Variants in STAT1 observed in about 807,000 individuals in gnomAD.
The protein encoded by STAT1 is signal transducer and activator of transcription 1-alpha/beta.
A neutral mutation model predicts 111.7 loss-of-function variants in STAT1; 24 were observed. That is an observed-to-expected ratio of 0.21 (90% CI 0.16 to 0.30). STAT1 has a LOEUF of 0.30. Ranked by LOEUF, STAT1 falls within the 10% of genes least tolerant of loss-of-function variation. The pLI, the probability that STAT1 is intolerant of heterozygous loss-of-function variation, is 1.00. For synonymous variants in STAT1, 332 were observed against 326.5 expected (o/e 1.02, Z -0.18); for missense variants, 351 against 911.9 (o/e 0.38, Z 7.92).
chr2:190,980,875 G>A lies in STAT1; in HGVS notation c.1583-206C>T, dbSNP rs1293918081. 2.6e-5 allele frequency among the ~76,000 whole-genome samples: 4 copies of A among 152,170 alleles called. No homozygotes were observed. The highest frequency in any genetic ancestry group is 4.8e-5 in the African/African-American group (2 of 41,430). On this transcript the variant is annotated intron_variant, in intron 18 of 24. Coordinates refer to ENST00000361099, the MANE Select transcript of STAT1 (RefSeq NM_007315.4). The surrounding 1 kb of genome is among the most constrained non-coding windows in gnomAD (Gnocchi z 6.1). Reference sequence around the variant, plus strand: ...GCTGTAAGAGGGCGGAATTTAAATGGTCTAAAATATGTATATGTTGGTTTG... The same window carrying A: ...GCTGTAAGAGGGCGGAATTTAAATGATCTAAAATATGTATATGTTGGTTTG...
chr2:190,979,639 G>A lies in STAT1; in HGVS notation c.1727+133C>T. On this transcript the variant is annotated intron_variant, in intron 20 of 24. Transcript: ENST00000361099. This position sits in a 1 kb window ranked among gnomAD's most constrained non-coding sequence, Gnocchi z 5.8. ...GGTTCTACTCTTCTGAAGCCCTGAA[G>A]GGGCAGCCTATAAATGCGCACTCCT... 2.8e-6 allele frequency: 2 copies of A among 722,416 alleles called. No homozygotes were observed. Among genetic ancestry groups the A allele is most frequent in the South Asian group, 1.5e-5 (1 of 67,162 alleles). 44.8% of individuals were successfully genotyped at this position (722,416 alleles called of 1,614,324 possible). A position where few individuals can be genotyped will look rare whatever the true frequency, so the allele number is the denominator to read the frequency against.
Position 191,007,529 on chromosome 2 carries a change from A to T in STAT1, c.372+34T>A, listed in dbSNP as rs1410192570. On this transcript the variant is annotated intron_variant, in intron 5 of 24. Coordinates refer to ENST00000361099, the MANE Select transcript of STAT1 (RefSeq NM_007315.4). The surrounding 1 kb of genome is among the most constrained non-coding windows in gnomAD (Gnocchi z 4.2). ...TGATGAATGAATACATTTTTATTTT[A>T]TTACAGTTTATGTGTTCAATGAGAA... is the stretch of plus-strand genomic sequence containing the variant. 3 of 1,460,690 alleles carry T rather than the reference A, an allele frequency of 2.1e-6. No individual in the cohort carries two copies. Among genetic ancestry groups the T allele is most frequent in the Non-Finnish European group, 2.9e-6 (3 of 1,041,738 alleles). The allele number at this position is 1,460,690 out of a possible 1,614,324, so 90.5% of individuals were successfully genotyped here. A position where few individuals can be genotyped will look rare whatever the true frequency, so the allele number is the denominator to read the frequency against.
In STAT1 at chr2:190,999,266, G is replaced by C. The variant is rs1330749668; in HGVS notation, c.541+360C>G. On this transcript the variant is annotated intron_variant, in intron 7 of 24. Transcript: ENST00000361099. This position sits in a 1 kb window ranked among gnomAD's most constrained non-coding sequence, Gnocchi z 4.1. ...CAGTGGGCTAGGCGCAATAAATATG[G>C]TGAGTAACACATAACCAGTGGTTAT... Among the ~76,000 whole-genome samples, 1 of 152,102 alleles carries C rather than the reference G, an allele frequency of 6.6e-6. No homozygotes were observed. Among genetic ancestry groups the C allele is most frequent in the African/African-American group, 2.4e-5 (1 of 41,414 alleles).
chr2:190,974,093 T>C lies in STAT1; in HGVS notation c.2238+737A>G, dbSNP rs1005878785. The stretch of plus-strand genomic sequence containing the variant: ...TTAAAAATGAGCTGGAATAGCTCCA[T>C]GTGGAAAAGAGCTTAAAATTAAACA... On this transcript the variant is annotated intron_variant, in intron 24 of 24. Transcript: ENST00000361099. This position sits in a 1 kb window ranked among gnomAD's most constrained non-coding sequence, Gnocchi z 4.8. 2.0e-5 allele frequency among the ~76,000 whole-genome samples: 3 copies of C among 152,202 alleles called. No individual in the cohort carries two copies. Among genetic ancestry groups the C allele is most frequent in the Admixed American group, 2.0e-4 (3 of 15,288 alleles).
In STAT1 at chr2:190,993,861, T is replaced by C. The variant is rs1002702412; in HGVS notation, c.944+1200A>G. Among the ~76,000 whole-genome samples, 2 of 151,868 alleles carry C rather than the reference T, an allele frequency of 1.3e-5. No individual in the cohort carries two copies. Among genetic ancestry groups the C allele is most frequent in the African/African-American group, 4.8e-5 (2 of 41,306 alleles). ...GACATTTATCTATCTACTAAGTGTG[T>C]CTAGAGAGCCTACTGTTCACAAGGC... On this transcript the variant is annotated intron_variant, in intron 10 of 24. Coordinates refer to ENST00000361099, the MANE Select transcript of STAT1 (RefSeq NM_007315.4). This position sits in a 1 kb window ranked among gnomAD's most constrained non-coding sequence, Gnocchi z 4.1.
rs949302762 is a variant in STAT1 at position 191,003,470 on chromosome 2, G to A, written c.373-2307C>T. On this transcript the variant is annotated intron_variant, in intron 5 of 24. Coordinates refer to ENST00000361099, the MANE Select transcript of STAT1 (RefSeq NM_007315.4). The surrounding 1 kb of genome is among the most constrained non-coding windows in gnomAD (Gnocchi z 4.0). ...AGGTGGGGCCTGGTGGAAGGTGACT[G>A]GATCACGGGGACAGTTTCTCATGAA... Among the ~76,000 whole-genome samples the A allele has an allele frequency of 2.6e-5, 4 of 152,198 alleles. No individual in the cohort carries two copies. Among genetic ancestry groups the A allele is most frequent in the African/African-American group, 7.2e-5 (3 of 41,426 alleles).
At chr2:190,992,675 G>T in intron 10 of STAT1, 1 of 1,281,344 alleles carries the variant, frequency 7.8e-7, no homozygotes. Context: ...TGACCAGAGT[G>T]CTCTGAATTT....
At chr2:190,988,380 TTTTG>T (rs1171772857) in intron 12 of STAT1, among the ~76,000 whole-genome samples, 1 of 152,024 alleles carries the variant, frequency 6.6e-6, no homozygotes, top group African/African-American at 2.4e-5. Context: ...GCCACTAAGT[TTTTG>T]TTTGTTTGTT....
chr2:190,970,541 T>G lies in STAT1; in HGVS notation c.*162A>C. ...TGCCCTTCAGAGTAACTGATGTTTCTGAGTTAGAGAAAAATTCACTTGCTA... is the reference window on the plus strand; with the variant it reads ...TGCCCTTCAGAGTAACTGATGTTTCGGAGTTAGAGAAAAATTCACTTGCTA... On this transcript the variant is annotated 3_prime_UTR_variant, in exon 25 of 25. Transcript: ENST00000361099. The surrounding 1 kb of genome is among the most constrained non-coding windows in gnomAD (Gnocchi z 5.4). 1 of 759,306 alleles carries G rather than the reference T, an allele frequency of 1.3e-6. No individual in the cohort carries two copies. Among genetic ancestry groups the G allele is most frequent in the Non-Finnish European group, 2.3e-6 (1 of 433,794 alleles). The allele number at this position is 759,306 out of a possible 1,614,324, so 47.0% of individuals were successfully genotyped here. A position where few individuals can be genotyped will look rare whatever the true frequency, so the allele number is the denominator to read the frequency against.
In STAT1 at chr2:191,009,064, G is replaced by A. The variant is rs751586208; in HGVS notation, c.172C>T (p.His58Tyr). The change falls in exon 4 of 25, where the codon CAT (histidine) becomes TAT (tyrosine). Residue 58 changes from histidine to tyrosine, a missense_variant. By Grantham distance (83) the His-to-Tyr change is moderately conservative. Transcript: ENST00000361099. ...NDVSFATIRFHDLLSQLDDQY... is the reference protein window; with the variant it reads ...NDVSFATIRFYDLLSQLDDQY... ...TCATCCAGCTGTGACAGGAGGTCAT[G>A]AAAACGGATGGTGGCAAATGAAACA... 9 of 1,614,006 alleles carry A rather than the reference G, an allele frequency of 5.6e-6. No individual in the cohort carries two copies. The African/African-American group carries it at 1.2e-4, about 22-fold the overall frequency.
In STAT1 at chr2:190,989,495, C is replaced by T; in HGVS notation, c.1097+120G>A. The T allele has an allele frequency of 1.4e-6, 1 of 691,034 alleles. No individual in the cohort carries two copies. Among genetic ancestry groups the T allele is most frequent in the Non-Finnish European group, 2.4e-6 (1 of 413,554 alleles). The allele number at this position is 691,034 out of a possible 1,614,324, so 42.8% of individuals were successfully genotyped here. A position where few individuals can be genotyped will look rare whatever the true frequency, so the allele number is the denominator to read the frequency against. ...GGGGCCCTAGGGAGGCAAACTTCCA[C>T]CCAGTATAGACCCTTCCACAGCTAG... On this transcript the variant is annotated intron_variant, in intron 12 of 24. Transcript: ENST00000361099. The surrounding 1 kb of genome is among the most constrained non-coding windows in gnomAD (Gnocchi z 5.0).
In STAT1 at chr2:190,989,516, G is replaced by A. The variant is rs529603565; in HGVS notation, c.1097+99C>T. ...TCCACCCAGTATAGACCCTTCCACAGCTAGAAATCTGCTTATTTAGTGGAG... is the reference window on the plus strand; with the variant it reads ...TCCACCCAGTATAGACCCTTCCACAACTAGAAATCTGCTTATTTAGTGGAG... On this transcript the variant is annotated intron_variant, in intron 12 of 24. Coordinates refer to ENST00000361099, the MANE Select transcript of STAT1 (RefSeq NM_007315.4). This position sits in a 1 kb window ranked among gnomAD's most constrained non-coding sequence, Gnocchi z 5.0. The A allele has an allele frequency of 5.4e-5, 46 of 859,166 alleles. No individual in the cohort carries two copies. The African/African-American group carries it at 7.5e-4, about 14-fold the overall frequency. The allele number at this position is 859,166 out of a possible 1,614,324, so 53.2% of individuals were successfully genotyped here.
In STAT1 at chr2:190,993,054, T is replaced by A; in HGVS notation, c.945-1734A>T. 3.0e-6 allele frequency: 1 copy of A among 328,608 alleles called. No homozygotes were observed. The highest frequency in any genetic ancestry group is 5.8e-6 in the Non-Finnish European group (1 of 172,100). 20.4% of individuals were successfully genotyped at this position (328,608 alleles called of 1,614,324 possible). On this transcript the variant is annotated intron_variant, in intron 10 of 24. Coordinates refer to ENST00000361099, the MANE Select transcript of STAT1 (RefSeq NM_007315.4). The surrounding 1 kb of genome is among the most constrained non-coding windows in gnomAD (Gnocchi z 4.1). Reference sequence around the variant, plus strand: ...ATCCACCCACCTCGGCCTCCCAAAGTGCTGGGATTACAGGCATGAGCCACC... The same window carrying A: ...ATCCACCCACCTCGGCCTCCCAAAGAGCTGGGATTACAGGCATGAGCCACC...
rs1483073172 is a variant in STAT1 at position 191,013,639 on chromosome 2, T to C, written c.-116A>G. 1 of 398,450 alleles carries C rather than the reference T, an allele frequency of 2.5e-6. No individual in the cohort carries two copies. The highest frequency in any genetic ancestry group is 4.4e-6 in the Non-Finnish European group (1 of 226,098). The allele number at this position is 398,450 out of a possible 1,614,324, so 24.7% of individuals were successfully genotyped here. A position where few individuals can be genotyped will look rare whatever the true frequency, so the allele number is the denominator to read the frequency against. ...TATACACAGAGTGCGAACGTTAACC[T>C]AGACAGCTCTCGAGGATGGCATACA... On this transcript the variant is annotated 5_prime_UTR_variant, in exon 2 of 25. An upstream open reading frame in the 5' UTR loses its in-frame stop. Coordinates refer to ENST00000361099, the MANE Select transcript of STAT1 (RefSeq NM_007315.4).
In STAT1 at chr2:190,995,292, G is replaced by A; in HGVS notation, c.786-73C>T. 7.0e-7 allele frequency: 1 copy of A among 1,429,236 alleles called. No homozygotes were observed. Among genetic ancestry groups the A allele is most frequent in the Non-Finnish European group, 9.8e-7 (1 of 1,015,720 alleles). The allele number at this position is 1,429,236 out of a possible 1,614,324, so 88.5% of individuals were successfully genotyped here. ...GCAGCCTGGATTAAAGGGAATCATG[G>A]TATATTAGTCCATTCTCATGCTGCT... On this transcript the variant is annotated intron_variant, in intron 9 of 24. Transcript: ENST00000361099. This position sits in a 1 kb window ranked among gnomAD's most constrained non-coding sequence, Gnocchi z 4.2.
chr2:190,970,862 C>T lies in STAT1; in HGVS notation c.2239-145G>A. On this transcript the variant is annotated intron_variant, in intron 24 of 24. Transcript: ENST00000361099. The surrounding 1 kb of genome is among the most constrained non-coding windows in gnomAD (Gnocchi z 5.4). ...AATAAATACCGTGGAATAAGAGGGC[C>T]TTCAGCATGTACTATGTATTATCCT... The T allele has an allele frequency of 1.3e-6, 1 of 768,764 alleles. No homozygotes were observed. The allele number at this position is 768,764 out of a possible 1,614,324, so 47.6% of individuals were successfully genotyped here. A position where few individuals can be genotyped will look rare whatever the true frequency, so the allele number is the denominator to read the frequency against.
At chr2:191,001,840 A>C (rs1694292089) in intron 5 of STAT1, among the ~76,000 whole-genome samples, 1 of 152,204 alleles carries the variant, frequency 6.6e-6, no homozygotes, top group Non-Finnish European at 1.5e-5. Flanking sequence ...GTACTAAGTA[A>C]ATGTCAGGCA....
At position 190,999,787 on chromosome 2, in the gene STAT1, C is replaced by T; in HGVS notation, c.463-83G>A. The T allele has an allele frequency of 2.1e-6, 2 of 940,220 alleles. No homozygotes were observed. Among genetic ancestry groups the T allele is most frequent in the Non-Finnish European group, 1.7e-6 (1 of 584,768 alleles). 58.2% of individuals were successfully genotyped at this position (940,220 alleles called of 1,614,324 possible). ...GCAACAGAGTATTGCTTCTATGGAA[C>T]CCAGAGAAACACGAAAACAATTCCA... On this transcript the variant is annotated intron_variant, in intron 6 of 24. Transcript: ENST00000361099. This position sits in a 1 kb window ranked among gnomAD's most constrained non-coding sequence, Gnocchi z 4.1.
Position 190,975,998 on chromosome 2 carries a change from T to G in STAT1, c.2060-111A>C. On this transcript the variant is annotated intron_variant, in intron 22 of 24. Coordinates refer to ENST00000361099, the MANE Select transcript of STAT1 (RefSeq NM_007315.4). This position sits in a 1 kb window ranked among gnomAD's most constrained non-coding sequence, Gnocchi z 5.9. ...TACTGTGTTTCTAGACAGCTTAGCC[T>G]CCTAAAACTTTAAGGAGCTATAACC... is the stretch of plus-strand genomic sequence containing the variant. The G allele has an allele frequency of 1.0e-6, 1 of 976,688 alleles. No homozygotes were observed. The highest frequency in any genetic ancestry group is 1.6e-6 in the Non-Finnish European group (1 of 624,448). The allele number at this position is 976,688 out of a possible 1,614,324, so 60.5% of individuals were successfully genotyped here.
Sources: allele counts gnomAD v4.1 joint callset (sites outside exome capture counted in the v4.1 genomes callset), GRCh38; gene constraint gnomAD v4.1.1; non-coding constraint Gnocchi (gnomAD v3.1); transcripts MANE v1.5; gene names NCBI Gene and HGNC (gene_info 2026-07-23, HGNC 2026-07-21).